The following NAALADL2 variants were observed in gnomAD, a reference collection of about 807,000 sequenced individuals.
NAALADL2 encodes the protein N-acetylated alpha-linked acidic dipeptidase like 2.
NAALADL2 carries 76 observed loss-of-function variants against 87.2 expected under a neutral mutation model. That is an observed-to-expected ratio of 0.87 (90% CI 0.72 to 1.05). NAALADL2 has a LOEUF of 1.05. Among genes scored for constraint, NAALADL2 ranks in the 50% least tolerant of loss-of-function variants. The probability of loss-of-function intolerance (pLI) is 0.00; values close to 1 mark genes in which losing one functional copy is unlikely to be tolerated. For synonymous variants in NAALADL2, 354 were observed against 331.0 expected (o/e 1.07, Z -0.75); for missense variants, 1,089 against 945.8 (o/e 1.15, Z -1.99).
intron 2 of NAALADL2, among the ~76,000 whole-genome samples, chr3:174,701,655 A>G (rs999614719): frequency 3.5e-5 from 5 of 144,412 alleles, no homozygotes; most frequent in Admixed American, 1.4e-4. Context: ...AACTTTTACT[A>G]TTGATTAGTT....
intron 6 of NAALADL2, among the ~76,000 whole-genome samples, chr3:175,447,659 T>G (rs1720913823): frequency 6.6e-6 from 1 of 152,240 alleles, no homozygotes; most frequent in African/African-American, 2.4e-5. Context: ...CATGAAAATC[T>G]GCTTAACATA....
chr3:175,007,150 TAAAA>T (rs397877957), intron 1 of NAALADL2, among the ~76,000 whole-genome samples: 11 of 70,342 alleles, frequency 1.6e-4, no homozygotes, highest in African/African-American at 2.2e-4. Context: ...TTTTATAGGA[TAAAA>T]AAAAAAAAAA....
intron 2 of NAALADL2, among the ~76,000 whole-genome samples, chr3:175,204,521 C>T (rs575091082): frequency 6.6e-6 from 1 of 152,120 alleles, no homozygotes; most frequent in East Asian, 1.9e-4. Context: ...GAAAGCATTC[C>T]CTCTGAGGAC....
At chr3:175,248,561 GTTC>G in intron 3 of NAALADL2, among the ~76,000 whole-genome samples, 1 of 151,976 alleles carries the variant, frequency 6.6e-6, no homozygotes, top group East Asian at 1.9e-4. Flanking sequence ...GTGATTTATG[GTTC>G]TTCTTTTTCA....
chr3:175,627,247 A>T, intron 10 of NAALADL2, 44 bp from the exon 11 acceptor site: 1 of 1,446,634 alleles, frequency 6.9e-7, no homozygotes, highest in Non-Finnish European at 9.4e-7. Flanking sequence ...TGAAAAACAA[A>T]ATCGATAAAG....
At chr3:174,854,284 AGATAAAT>A (rs1725602489) in intron 3 of NAALADL2, among the ~76,000 whole-genome samples, 1 of 152,230 alleles carries the variant, frequency 6.6e-6, no homozygotes, top group African/African-American at 2.4e-5. Flanking sequence ...AGGCACAGAA[AGATAAAT>A]ATTGCATGTT....
chr3:175,404,433 G>T (rs1711917109), intron 5 of NAALADL2, among the ~76,000 whole-genome samples: 1 of 152,104 alleles, frequency 6.6e-6, no homozygotes, highest in Non-Finnish European at 1.5e-5. Context: ...ACGTCGAATA[G>T]CCACAACTTC....
intron 2 of NAALADL2, among the ~76,000 whole-genome samples, chr3:174,654,272 A>C (rs1278622079): frequency 6.6e-6 from 1 of 152,144 alleles, no homozygotes; most frequent in Non-Finnish European, 1.5e-5. Context: ...AAGTTAGTGA[A>C]GTGTACTTGG....
At chr3:175,646,339 T>G (rs181554307) in intron 11 of NAALADL2, among the ~76,000 whole-genome samples, 3 of 152,016 alleles carry the variant, frequency 2.0e-5, no homozygotes, top group Non-Finnish European at 2.9e-5. Context: ...ATCATTACAC[T>G]TAACAGAATT....
rs189998090 is a variant in NAALADL2 at position 174,724,623 on chromosome 3, A to G, written c.-114-13018A>G. Among the ~76,000 whole-genome samples, 87 of 152,236 alleles carry G rather than the reference A, an allele frequency of 5.7e-4. 1 individual carries two copies. The highest frequency in any genetic ancestry group is 2.6e-4 in the Admixed American group (4 of 15,286). On this transcript the variant is annotated intron_variant, in intron 2 of 3. Coordinates refer to the NAALADL2 transcript ENST00000434257. Reference sequence around the variant, plus strand: ...TATTTTAAGCTCCCTAGGCATAGAGAGCTTTTATATTAGATTTATTTATTG... The same window carrying G: ...TATTTTAAGCTCCCTAGGCATAGAGGGCTTTTATATTAGATTTATTTATTG...
chr3:175,690,093 A>G (rs1039258740), intron 11 of NAALADL2, among the ~76,000 whole-genome samples: 2 of 152,110 alleles, frequency 1.3e-5, no homozygotes, highest in African/African-American at 4.8e-5. Flanking sequence ...TATTGACTAT[A>G]TAAATATATA....
chr3:175,321,171 G>T (rs201214453), intron 4 of NAALADL2, among the ~76,000 whole-genome samples: 3 of 146,988 alleles, frequency 2.0e-5, no homozygotes, highest in African/African-American at 7.5e-5. Context: ...GGGATGCAAG[G>T]CTGGTTCAAT....
chr3:174,831,587 TG>T (rs1383334180), intron 3 of NAALADL2, among the ~76,000 whole-genome samples: 1 of 151,016 alleles, frequency 6.6e-6, no homozygotes, highest in Non-Finnish European at 1.5e-5. Context: ...GTTGTGTCTC[TG>T]CCTGGCTTTG....
intron 3 of NAALADL2, among the ~76,000 whole-genome samples, chr3:174,765,143 CGAGAGAGA>C (rs71634279): frequency 4.0e-5 from 5 of 124,634 alleles, no homozygotes; most frequent in East Asian, 2.0e-4. Flanking sequence ...CACACACACA[CGAGAGAGA>C]GAGAGAGAGA....
intron 2 of NAALADL2, among the ~76,000 whole-genome samples, chr3:174,732,964 A>G (rs1560180103): frequency 6.6e-6 from 1 of 152,192 alleles, no homozygotes; most frequent in Non-Finnish European, 1.5e-5. Context: ...ATTAAAGATA[A>G]TTTCCAAAGA....
intron 1 of NAALADL2, among the ~76,000 whole-genome samples, chr3:174,897,004 C>CA (rs1408021764): frequency 2.0e-5 from 3 of 152,010 alleles, no homozygotes; most frequent in Non-Finnish European, 2.9e-5. Flanking sequence ...TCACCATATA[C>CA]AAAAATAAAA....
chr3:175,063,992 T>G (rs1378916544), intron 1 of NAALADL2, among the ~76,000 whole-genome samples: 1 of 152,116 alleles, frequency 6.6e-6, no homozygotes, highest in Non-Finnish European at 1.5e-5. Flanking sequence ...CAGCTGTCAC[T>G]TAATAGTCAA....
upstream of NAALADL2, among the ~76,000 whole-genome samples, chr3:174,856,012 GAAGT>G (rs1725832694): frequency 6.7e-6 from 1 of 149,724 alleles, no homozygotes; most frequent in African/African-American, 2.5e-5. Context: ...ATGAGAGAGA[GAAGT>G]AAGAGAGAGA....
chr3:174,785,675 A>G (rs749950362), intron 3 of NAALADL2, among the ~76,000 whole-genome samples: 3 of 152,170 alleles, frequency 2.0e-5, no homozygotes, highest in Non-Finnish European at 2.9e-5. Context: ...CTACATTTCA[A>G]TTGAGCGGAC....
Sources: allele counts gnomAD v4.1 joint callset (sites outside exome capture counted in the v4.1 genomes callset), GRCh38; gene constraint gnomAD v4.1.1; transcripts MANE v1.5; gene names NCBI Gene and HGNC (gene_info 2026-07-23, HGNC 2026-07-21).